The following MED12L variants were observed in gnomAD, a reference collection of about 807,000 sequenced individuals.
MED12L encodes mediator complex subunit 12L.
A neutral mutation model predicts 281.3 loss-of-function variants in MED12L; 60 were observed. That is an observed-to-expected ratio of 0.21 (90% CI 0.17 to 0.26). The LOEUF is 0.26. MED12L is among the 10% of genes least tolerant of loss of function. MED12L has a pLI of 1.00. For missense variants in MED12L, 2,146 were observed against 2,680.9 expected (o/e 0.80, Z 4.41); for synonymous variants, 974 against 987.2 (o/e 0.99, Z 0.25).
At chr3:151,190,601 C>CT (rs957063594) in intron 13 of MED12L, 116 bp from the exon 14 acceptor site, 117 of 952,988 alleles carry the variant, frequency 1.2e-4, no homozygotes, top group African/African-American at 5.4e-4. Context: ...TCCAATAGAT[C>CT]TTTTTTTTCC....
At chr3:151,335,349 A>C (rs145633282) in intron 16 of MED12L, among the ~76,000 whole-genome samples, 46 of 152,338 alleles carry the variant, frequency 3.0e-4, no homozygotes, top group Admixed American at 1.2e-3. Flanking sequence ...ATCCATAACA[A>C]TTAAAAACAA....
chr3:151,301,528 A>G (rs970852882), intron 16 of MED12L, among the ~76,000 whole-genome samples: 2 of 152,242 alleles, frequency 1.3e-5, no homozygotes, highest in Non-Finnish European at 2.9e-5. Flanking sequence ...TATTTCTCAT[A>G]AAGGATTTCT....
chr3:151,282,281 A>G (rs1742916731), intron 16 of MED12L, among the ~76,000 whole-genome samples: 1 of 152,132 alleles, frequency 6.6e-6, no homozygotes, highest in African/African-American at 2.4e-5. Flanking sequence ...GGATTTTCAG[A>G]TAAATATGAA....
intron 3 of MED12L, among the ~76,000 whole-genome samples, chr3:151,120,924 TAGC>T (rs1483786186): frequency 2.6e-5 from 4 of 152,254 alleles, no homozygotes; most frequent in Non-Finnish European, 5.9e-5. Context: ...AAGGGCTTGT[TAGC>T]AGGAATTAAT....
At chr3:151,190,035 A>G (rs540368723) in intron 13 of MED12L, among the ~76,000 whole-genome samples, 2 of 152,250 alleles carry the variant, frequency 1.3e-5, no homozygotes, top group East Asian at 3.9e-4. Context: ...GCACAGACCC[A>G]CTCAAGCTAG....
intron 5 of MED12L, among the ~76,000 whole-genome samples, chr3:151,133,611 A>AG (rs1181944417): frequency 6.6e-6 from 1 of 152,184 alleles, no homozygotes; most frequent in African/African-American, 2.4e-5. Flanking sequence ...CTGAAAAAAA[A>AG]AAAAGGTTTA....
At chr3:151,364,385 T>A (rs1755024356) in intron 21 of MED12L, among the ~76,000 whole-genome samples, 1 of 152,152 alleles carries the variant, frequency 6.6e-6, no homozygotes, top group Non-Finnish European at 1.5e-5. Flanking sequence ...TTTTTATGAA[T>A]GATATAATAG....
At chr3:151,231,141 G>A (rs1192093302) in intron 16 of MED12L, among the ~76,000 whole-genome samples, 4 of 152,162 alleles carry the variant, frequency 2.6e-5, no homozygotes, top group East Asian at 1.9e-4. Context: ...GATATTAAAA[G>A]TACAGATTAC....
chr3:151,141,201 G>GTTTTTTTTTTTTT (rs1716973453), intron 5 of MED12L, among the ~76,000 whole-genome samples: 8 of 58,312 alleles, frequency 1.4e-4, no homozygotes, highest in East Asian at 1.2e-3. Flanking sequence ...TTTTTTTTTT[G>GTTTTTTTTTTTTT]TTAGTAGAGA....
chr3:151,236,524 TA>T (rs1468153383), intron 16 of MED12L, among the ~76,000 whole-genome samples: 1 of 152,212 alleles, frequency 6.6e-6, no homozygotes, highest in Non-Finnish European at 1.5e-5. Flanking sequence ...ACCTTGACAG[TA>T]AGCAGCTGCT....
At chr3:151,146,326 G>A (rs1300441207) in intron 5 of MED12L, among the ~76,000 whole-genome samples, 2 of 152,142 alleles carry the variant, frequency 1.3e-5, no homozygotes, top group Admixed American at 6.5e-5. Flanking sequence ...CCATTTCTGT[G>A]TGTGGAACTC....
chr3:151,124,472 C>T (rs1453967307), intron 4 of MED12L, among the ~76,000 whole-genome samples: 1 of 152,208 alleles, frequency 6.6e-6, no homozygotes, highest in Non-Finnish European at 1.5e-5. Flanking sequence ...CTTCCCCTTC[C>T]CTCCTCAGCA....
chr3:151,264,932 C>T (rs1439842635), intron 16 of MED12L, among the ~76,000 whole-genome samples: 1 of 148,948 alleles, frequency 6.7e-6, no homozygotes, highest in African/African-American at 2.6e-5. Context: ...GGCCTTCTTG[C>T]TCTTGCTCCT....
chr3:151,237,571 G>T (rs911578966), intron 16 of MED12L, among the ~76,000 whole-genome samples: 1 of 150,406 alleles, frequency 6.6e-6, no homozygotes, highest in African/African-American at 2.4e-5. Flanking sequence ...GGCTGGTCTC[G>T]AACTCCTGAC....
chr3:151,360,341 CTATTT>C (rs1754461522), intron 20 of MED12L, 128 bp from the exon 21 acceptor site: 1 of 744,958 alleles, frequency 1.3e-6, no homozygotes, highest in Non-Finnish European at 2.2e-6. Context: ...ATTTACTATT[CTATTT>C]ATTAGTTTCA....
intron 39 of MED12L, among the ~76,000 whole-genome samples, chr3:151,399,491 A>G (rs1382524596): frequency 6.6e-6 from 1 of 152,162 alleles, no homozygotes; most frequent in Non-Finnish European, 1.5e-5. Flanking sequence ...CATAAAAAGG[A>G]ATGTTGTTTT....
At chr3:151,372,106 G>C (rs1756257730) in intron 26 of MED12L, among the ~76,000 whole-genome samples, 1 of 152,144 alleles carries the variant, frequency 6.6e-6, no homozygotes, top group African/African-American at 2.4e-5. Flanking sequence ...TAGTAAGGTG[G>C]GCTAAGGCAA....
intron 16 of MED12L, chr3:151,294,781 TATGC>T (rs1744841304): frequency 6.2e-7 from 1 of 1,614,066 alleles, no homozygotes; most frequent in African/African-American, 1.3e-5. Context: ...TCGTGAAGGT[TATGC>T]TGTACATCCG....
At position 151,397,677 on chromosome 3, in the gene MED12L, C is replaced by T. The variant is rs1023625454; in HGVS notation, c.5820+2810C>T. Among the ~76,000 whole-genome samples, 3 of 152,174 alleles carry T rather than the reference C, an allele frequency of 2.0e-5. No individual in the cohort carries two copies. In the East Asian group the frequency reaches 5.8e-4, roughly 29 times the overall value. On this transcript the variant is annotated intron_variant, in intron 39 of 44. Coordinates refer to ENST00000687756, the MANE Select transcript of MED12L (RefSeq NM_001393769.1). ...GCACAGTTTGCTTTTCTAGTGAGTA[C>T]TGACCATTTCGTGCTATGGCAGGAA... is the stretch of plus-strand genomic sequence containing the variant.
Sources: allele counts gnomAD v4.1 joint callset (sites outside exome capture counted in the v4.1 genomes callset), GRCh38; gene constraint gnomAD v4.1.1; transcripts MANE v1.5; gene names NCBI Gene and HGNC (gene_info 2026-07-23, HGNC 2026-07-21).